The following WDR20 variants were observed in gnomAD, a reference collection of about 807,000 sequenced individuals.
WDR20 encodes WD repeat-containing protein 20.
In WDR20, 3 loss-of-function variants were observed where a neutral mutation model predicts 38.7. That is an observed-to-expected ratio of 0.08 (90% confidence interval 0.04 to 0.20). The LOEUF (loss-of-function observed/expected upper bound fraction) is 0.20, where lower values mean the gene tolerates loss of function less well. WDR20 is among the 10% of genes least tolerant of loss of function. The pLI, the probability that WDR20 is intolerant of heterozygous loss-of-function variation, is 1.00. For missense variants in WDR20, 559 were observed against 727.7 expected, an observed-to-expected ratio of 0.77 and a Z score of 2.67; for synonymous variants, 298 against 285.6, an observed-to-expected ratio of 1.04 and a Z score of -0.44.
At chr14:102,140,539 C>T (rs530844192) in intron 1 of WDR20, among the ~76,000 whole-genome samples, 23 of 152,270 alleles carry the variant, frequency 1.5e-4, no homozygotes, top group African/African-American at 5.3e-4. Flanking sequence ...CTTCGATTGC[C>T]TCGCCTCCCT....
Position 102,208,416 on chromosome 14 carries a change from A to G in WDR20, c.433-187A>G, listed in dbSNP as rs1376432979. Among the ~76,000 whole-genome samples, 1 of 152,230 alleles carries G rather than the reference A, an allele frequency of 6.6e-6. No homozygotes were observed. The highest frequency in any genetic ancestry group is 2.4e-5 in the African/African-American group (1 of 41,460). On this transcript the variant is annotated intron_variant, in intron 2 of 2. Coordinates refer to ENST00000342702, the MANE Select transcript of WDR20 (RefSeq NM_144574.4). The surrounding 1 kb of genome is among the most constrained non-coding windows in gnomAD (Gnocchi z 5.6). ...CCAGCAGCCTAACACCGATTTTAGA[A>G]AGTAATTCTAAATTACCCCAAAAGG...
Position 102,221,988 on chromosome 14 carries a change from A to G in WDR20, c.1693-842A>G, listed in dbSNP as rs1032476068. On this transcript the variant is annotated intron_variant, in intron 3 of 3. Transcript: ENST00000335263. The surrounding 1 kb of genome is among the most constrained non-coding windows in gnomAD (Gnocchi z 4.8). Reference sequence around the variant, plus strand: ...TAATGTAATTGCTGCTCAATAGTAAATGCAAAGAAATGGAAGTACTCTTTG... The same window carrying G: ...TAATGTAATTGCTGCTCAATAGTAAGTGCAAAGAAATGGAAGTACTCTTTG... Among the ~76,000 whole-genome samples, 7 of 152,222 alleles carry G rather than the reference A, an allele frequency of 4.6e-5. No homozygotes were observed. Among genetic ancestry groups the G allele is most frequent in the African/African-American group, 1.2e-4 (5 of 41,438 alleles).
downstream of WDR20, chr14:102,214,391 C>T (rs2062950693): frequency 3.0e-6 from 3 of 985,282 alleles, no homozygotes; most frequent in South Asian, 4.7e-5. Context: ...AAGTCTGTGG[C>T]TTTATATGTA....
downstream of WDR20, among the ~76,000 whole-genome samples, chr14:102,218,932 C>T (rs993585178): frequency 7.9e-5 from 12 of 152,194 alleles, no homozygotes; most frequent in African/African-American, 2.7e-4. Context: ...CCAGGTCCTC[C>T]GTCGGCCGGG....
intron 1 of WDR20, among the ~76,000 whole-genome samples, chr14:102,174,815 AT>A (rs1313639308): frequency 6.6e-6 from 1 of 151,948 alleles, no homozygotes; most frequent in African/African-American, 2.4e-5. Context: ...GATGTTTAGC[AT>A]TTTTTCATAT....
At chr14:102,161,143 T>TATATATATATA (rs1491558046) in intron 1 of WDR20, among the ~76,000 whole-genome samples, 11 of 11,238 alleles carry the variant, frequency 9.8e-4, no homozygotes, top group South Asian at 6.6e-3. Flanking sequence ...TATATATATA[T>TATATATATATA]TTTTTTTTTT....
At chr14:102,148,298 T>C (rs765720325) in intron 1 of WDR20, among the ~76,000 whole-genome samples, 3 of 152,098 alleles carry the variant, frequency 2.0e-5, no homozygotes, top group Non-Finnish European at 2.9e-5. Flanking sequence ...AATCCCAGTA[T>C]TTTAGGAGAC....
At chr14:102,143,484 T>C (rs529757256) in intron 1 of WDR20, among the ~76,000 whole-genome samples, 1 of 152,240 alleles carries the variant, frequency 6.6e-6, no homozygotes, top group East Asian at 1.9e-4. Context: ...ATGTGAGGTA[T>C]TCAGAGCTAA....
At chr14:102,156,360 G>T (rs1340519242) in intron 1 of WDR20, among the ~76,000 whole-genome samples, 1 of 150,838 alleles carries the variant, frequency 6.6e-6, no homozygotes, top group Non-Finnish European at 1.5e-5. Context: ...AGCAGAGATG[G>T]GGTTTCGCCG....
At position 102,207,957 on chromosome 14, in the gene WDR20, G is replaced by T. The variant is rs541254456; in HGVS notation, c.433-646G>T. ...CAACACCAGCAGAGAGGGTTTCGAG[G>T]AGATGCTTATGGAGATGCACGTGGG... On this transcript the variant is annotated intron_variant, in intron 2 of 2. Coordinates refer to ENST00000342702, the MANE Select transcript of WDR20 (RefSeq NM_144574.4). The surrounding 1 kb of genome is among the most constrained non-coding windows in gnomAD (Gnocchi z 5.0). Among the ~76,000 whole-genome samples, 1 of 152,348 alleles carries T rather than the reference G, an allele frequency of 6.6e-6. No homozygotes were observed. The highest frequency in any genetic ancestry group is 1.9e-4 in the East Asian group (1 of 5,176).
intron 1 of WDR20, among the ~76,000 whole-genome samples, chr14:102,182,352 T>G (rs1046493533): frequency 1.2e-4 from 18 of 152,238 alleles, no homozygotes; most frequent in African/African-American, 4.1e-4. Flanking sequence ...CTTCCTCATC[T>G]GTTGCCTGAA....
At chr14:102,205,957 A>T (rs979804718) in intron 2 of WDR20, among the ~76,000 whole-genome samples, 1 of 152,130 alleles carries the variant, frequency 6.6e-6, no homozygotes, top group Non-Finnish European at 1.5e-5. Context: ...GTGTCTACTT[A>T]GGGTCGTCTC....
At chr14:102,170,911 C>T (rs1003904935) in intron 1 of WDR20, among the ~76,000 whole-genome samples, 1 of 151,788 alleles carries the variant, frequency 6.6e-6, no homozygotes. Flanking sequence ...TGCTTTTTTT[C>T]CCTTTATTTT....
chr14:102,184,644 C>T (rs1186496202), intron 1 of WDR20, among the ~76,000 whole-genome samples: 2 of 152,118 alleles, frequency 1.3e-5, no homozygotes, highest in African/African-American at 2.4e-5. Context: ...GCAAGCAATT[C>T]CAGAGATTGT....
Position 102,222,860 on chromosome 14 carries a change from T to C in WDR20, c.1723T>C (p.Ser575Pro), listed in dbSNP as rs2064078860. 1 of 1,614,046 alleles carries C rather than the reference T, an allele frequency of 6.2e-7. No individual in the cohort carries two copies. The highest frequency in any genetic ancestry group is 1.3e-5 in the African/African-American group (1 of 74,924). ...ATTGTCATCCCCAAGCCAGGCCAGT[T>C]CTCCAGGTGGAACTGTAGTGTAGCG... Residue 575 changes from serine to proline, a missense_variant, in exon 4 of 4, where the codon TCT (serine) becomes CCT (proline). Coordinates refer to the WDR20 transcript ENST00000335263. The surrounding 1 kb of genome is among the most constrained non-coding windows in gnomAD (Gnocchi z 4.4).
At chr14:102,216,298 G>T (rs1389144227), downstream of WDR20, among the ~76,000 whole-genome samples, 1 of 152,182 alleles carries the variant, frequency 6.6e-6, no homozygotes, top group Admixed American at 6.5e-5. Context: ...TCTGTTCTTA[G>T]CACTGAACAG....
At chr14:102,148,234 C>T (rs2054371773) in intron 1 of WDR20, among the ~76,000 whole-genome samples, 1 of 152,118 alleles carries the variant, frequency 6.6e-6, no homozygotes, top group Non-Finnish European at 1.5e-5. Context: ...TTTTAATTTT[C>T]AGGACACTTG....
intron 1 of WDR20, among the ~76,000 whole-genome samples, chr14:102,141,524 A>AAGT (rs1182222024): frequency 6.6e-6 from 1 of 152,096 alleles, no homozygotes; most frequent in African/African-American, 2.4e-5. Flanking sequence ...CAAAAGCTCG[A>AAGT]AGTAGTCTTC....
In WDR20 at chr14:102,223,131, C is replaced by G. The variant is rs1263990763; in HGVS notation, c.*248C>G. On this transcript the variant is annotated 3_prime_UTR_variant, in exon 4 of 4. Coordinates refer to the WDR20 transcript ENST00000335263. ...AAAAATAAGAAATGGAGTTTTCTTG[C>G]TTTTTACTCTAAAATTCAATGTAAT... 3 of 371,066 alleles carry G rather than the reference C, an allele frequency of 8.1e-6. No individual in the cohort carries two copies. In the Admixed American group the frequency reaches 1.3e-4, roughly 16 times the overall value. The allele number at this position is 371,066 out of a possible 1,614,324, so 23.0% of individuals were successfully genotyped here.
Sources: allele counts gnomAD v4.1 joint callset (sites outside exome capture counted in the v4.1 genomes callset), GRCh38; gene constraint gnomAD v4.1.1; non-coding constraint Gnocchi (gnomAD v3.1); transcripts MANE v1.5; gene names NCBI Gene and HGNC (gene_info 2026-07-23, HGNC 2026-07-21).